Variants in PECAM1 observed in about 807,000 individuals in gnomAD.
PECAM1 encodes platelet endothelial cell adhesion molecule.
Under a neutral mutation model 13.8 loss-of-function variants are expected in PECAM1, and 8 were observed. The ratio of observed to expected loss-of-function variants is 0.58; its 90% CI spans 0.34 to 1.05. The LOEUF is 1.05. Among genes scored for constraint, PECAM1 ranks in the 50% least tolerant of loss-of-function variants. The pLI is 0.03. For missense variants in PECAM1, 304 were observed against 141.2 expected, an observed-to-expected ratio of 2.15 and a Z score of -5.84; for synonymous variants, 136 against 52.6, an observed-to-expected ratio of 2.58 and a Z score of -6.86.
chr17:64,377,720 G>A (rs1296114045), intron 3 of PECAM1, 104 bp downstream of exon 3: 1 of 465,152 alleles, frequency 2.1e-6, no homozygotes, highest in East Asian at 3.1e-5. Flanking sequence ...AGAGGGTGAT[G>A]GGTGGAGAGT....
At chr17:64,347,034 C>G (rs1048742490) in intron 13 of PECAM1, among the ~76,000 whole-genome samples, 67 of 152,256 alleles carry the variant, frequency 4.4e-4, no homozygotes, top group Admixed American at 2.3e-3. Context: ...TTAGTAAGTG[C>G]TCAATAAATC....
intron 4 of PECAM1, among the ~76,000 whole-genome samples, chr17:64,374,818 A>G (rs965398032): frequency 6.6e-6 from 1 of 152,110 alleles, no homozygotes; most frequent in Non-Finnish European, 1.5e-5. Context: ...CCAAACAAAC[A>G]AAAAGCATCA....
At chr17:64,376,953 G>T (rs950338170) in intron 3 of PECAM1, among the ~76,000 whole-genome samples, 2,327 of 152,210 alleles carry the variant, frequency 0.015, 34 homozygotes, top group South Asian at 0.019. Flanking sequence ...TTTAGCCTGG[G>T]TGACAGAGGA....
At chr17:64,335,929 C>T (rs1400488403) in intron 14 of PECAM1, among the ~76,000 whole-genome samples, 1 of 152,036 alleles carries the variant, frequency 6.6e-6, no homozygotes, top group East Asian at 1.9e-4. Context: ...AAGAATTTGG[C>T]AATGATGAAG....
intron 14 of PECAM1, among the ~76,000 whole-genome samples, chr17:64,334,960 C>A (rs2035233767): frequency 6.6e-6 from 1 of 152,096 alleles, no homozygotes; most frequent in African/African-American, 2.4e-5. Flanking sequence ...AGAAGCAGAG[C>A]CTTAGCGTGG....
At chr17:64,347,739 T>C (rs2035613758) in intron 13 of PECAM1, among the ~76,000 whole-genome samples, 4 of 145,138 alleles carry the variant, frequency 2.8e-5, no homozygotes, top group Admixed American at 1.4e-4. Flanking sequence ...TATATATATA[T>C]ATATTTTTTG....
chr17:64,386,095 C>A (rs1453505874), intron 2 of PECAM1, among the ~76,000 whole-genome samples: 11 of 152,116 alleles, frequency 7.2e-5, no homozygotes, highest in African/African-American at 2.7e-4. Context: ...CTGGGGATCT[C>A]CTGAGTGGAC....
chr17:64,338,428 T>C (rs1047697442), intron 14 of PECAM1, among the ~76,000 whole-genome samples: 60 of 151,884 alleles, frequency 4.0e-4, no homozygotes, highest in African/African-American at 1.4e-3. Flanking sequence ...AATGCCCCCA[T>C]AAAATATTTG....
chr17:64,387,354 T>G (rs938401344), intron 2 of PECAM1, among the ~76,000 whole-genome samples: 1 of 151,298 alleles, frequency 6.6e-6, no homozygotes, highest in Non-Finnish European at 1.5e-5. Context: ...AGGCACAGAT[T>G]ATAAACTAAC....
At position 64,361,521 on chromosome 17, in the gene PECAM1, A is replaced by AGGTG. The variant is rs2035979939; in HGVS notation, c.1217-1110_1217-1107dup. On this transcript the variant is annotated intron_variant, in intron 6 of 15. Transcript: ENST00000563924. ...GTAATCCCAGCACTTTGGGAGGCCG[A>AGGTG]GGTGGGCAGATCACCTGAGGTCAGG... 2.6e-5 allele frequency among the ~76,000 whole-genome samples: 4 copies of AGGTG among 151,692 alleles called. No homozygotes were observed. The South Asian group carries it at 8.4e-4, about 32-fold the overall frequency.
At chr17:64,358,439 C>T (rs2035897480) in intron 7 of PECAM1, among the ~76,000 whole-genome samples, 1 of 152,104 alleles carries the variant, frequency 6.6e-6, no homozygotes, top group Admixed American at 6.6e-5. Flanking sequence ...TTTTGAAGTG[C>T]CCCATGGGAC....
chr17:64,324,376 CGTAT>C (rs1233149951), intron 15 of PECAM1, among the ~76,000 whole-genome samples: 1 of 152,132 alleles, frequency 6.6e-6, no homozygotes. Flanking sequence ...GGCTCCTGCC[CGTAT>C]GTATTTCTCC....
chr17:64,373,154 AG>A (rs2036281674), intron 4 of PECAM1, among the ~76,000 whole-genome samples: 1 of 151,774 alleles, frequency 6.6e-6, no homozygotes, highest in Non-Finnish European at 1.5e-5. Flanking sequence ...TAAAAAAAAA[AG>A]AAAATGCACA....
chr17:64,364,436 T>C (rs2143825376), intron 5 of PECAM1, among the ~76,000 whole-genome samples: 1 of 152,104 alleles, frequency 6.6e-6, no homozygotes, highest in African/African-American at 2.4e-5. Context: ...ACTATTCCAG[T>C]CAATAGAAAA....
intron 2 of PECAM1, among the ~76,000 whole-genome samples, chr17:64,386,917 G>A (rs1027060321): frequency 3.3e-5 from 5 of 152,264 alleles, no homozygotes; most frequent in Middle Eastern, 3.4e-3. Context: ...GGCCAGGGCT[G>A]GACTGTGAAG....
At chr17:64,381,966 G>C (rs1381560450) in intron 2 of PECAM1, among the ~76,000 whole-genome samples, 3 of 152,126 alleles carry the variant, frequency 2.0e-5, no homozygotes, top group Admixed American at 6.6e-5. Context: ...CGGGTGTGGT[G>C]GTGGGCGCCT....
chr17:64,373,732 C>G (rs2036294033), intron 4 of PECAM1, among the ~76,000 whole-genome samples: 1 of 152,058 alleles, frequency 6.6e-6, no homozygotes, highest in Non-Finnish European at 1.5e-5. Flanking sequence ...GATAATAGAA[C>G]ATACAGACAC....
intron 14 of PECAM1, among the ~76,000 whole-genome samples, chr17:64,332,350 A>G (rs2143692038): frequency 8.0e-6 from 1 of 124,912 alleles, no homozygotes; most frequent in Non-Finnish European, 1.8e-5. Flanking sequence ...TAGTCCCCTA[A>G]GGGCTCTGGA....
chr17:64,384,678 C>A (rs1196889802), intron 2 of PECAM1, among the ~76,000 whole-genome samples: 7 of 152,142 alleles, frequency 4.6e-5, no homozygotes, highest in Non-Finnish European at 1.0e-4. Flanking sequence ...TTCAGATAAC[C>A]GCAACCCTGA....
Sources: gnomAD v4.1 joint callset for allele counts (sites outside exome capture counted in the v4.1 genomes callset) on GRCh38, gnomAD v4.1.1 for gene constraint, MANE v1.5 for transcripts, NCBI Gene and HGNC (gene_info 2026-07-23, HGNC 2026-07-21) for gene names.